INSR: variants seen among roughly 807,000 people sequenced by gnomAD.
The protein encoded by INSR is IR.
Under a neutral mutation model 142.6 loss-of-function variants are expected in INSR, and 67 were observed. The observed-to-expected ratio is 0.47, with a 90% CI of 0.39 to 0.58. The LOEUF is 0.58. Among genes scored for constraint, INSR ranks in the 20% least tolerant of loss-of-function variants. The pLI is 0.00. For synonymous variants in INSR, 756 were observed against 743.1 expected, an observed-to-expected ratio of 1.02 and a Z score of -0.28; for missense variants, 1,248 against 1,833.2, an observed-to-expected ratio of 0.68 and a Z score of 5.83.
intron 9 of INSR, among the ~76,000 whole-genome samples, chr19:7,155,966 G>A (rs1973580423): frequency 6.6e-6 from 1 of 150,614 alleles, no homozygotes; most frequent in Admixed American, 6.7e-5. Context: ...AAGGAGCCAG[G>A]TCACAGCTGC....
At chr19:7,213,341 C>CAAAAAAAAAAAAA (rs11343255) in intron 2 of INSR, among the ~76,000 whole-genome samples, 1 of 100,626 alleles carries the variant, frequency 9.9e-6, no homozygotes, top group Non-Finnish European at 2.0e-5. Context: ...GACTCCATCT[C>CAAAAAAAAAAAAA]AAAAAAAAAA....
intron 2 of INSR, among the ~76,000 whole-genome samples, chr19:7,222,148 T>A (rs369457160): frequency 2.7e-3 from 175 of 64,272 alleles, no homozygotes; most frequent in African/African-American, 0.01. Flanking sequence ...AAAAAAAAAA[T>A]CAGGAGTGAC....
At chr19:7,180,883 G>GCAAT (rs1431336652) in intron 3 of INSR, among the ~76,000 whole-genome samples, 2 of 152,122 alleles carry the variant, frequency 1.3e-5, no homozygotes, top group Admixed American at 6.6e-5. Context: ...TCTGTCCATT[G>GCAAT]GTCTTGGGAA....
chr19:7,134,527 G>A (rs1972860557), intron 13 of INSR, among the ~76,000 whole-genome samples: 1 of 151,780 alleles, frequency 6.6e-6, no homozygotes, highest in African/African-American at 2.4e-5. Context: ...AGCACTTTCA[G>A]GGGCCAAGGC....
At chr19:7,275,240 G>T (rs1968031057) in intron 1 of INSR, among the ~76,000 whole-genome samples, 1 of 151,852 alleles carries the variant, frequency 6.6e-6, no homozygotes. Context: ...CTCCCAAAGT[G>T]CTGGGATTAC....
intron 9 of INSR, 110 bp from the exon 10 acceptor site, chr19:7,153,037 C>CACATACAG: frequency 8.2e-6 from 3 of 366,676 alleles, no homozygotes; most frequent in Non-Finnish European, 1.3e-5. Flanking sequence ...CACACACACA[C>CACATACAG]ACACCACACA....
intron 2 of INSR, among the ~76,000 whole-genome samples, chr19:7,256,864 T>C (rs1202010199): frequency 6.7e-6 from 1 of 149,186 alleles, no homozygotes; most frequent in Non-Finnish European, 1.5e-5. Flanking sequence ...TTTGACAACA[T>C]AAAAGGGAAG....
intron 9 of INSR, among the ~76,000 whole-genome samples, chr19:7,161,238 CT>C (rs201486860): frequency 0.037 from 5,279 of 143,180 alleles, 439 homozygotes; most frequent in East Asian, 0.32. Flanking sequence ...CACTTAATGC[CT>C]TTTTTTTTTA....
At chr19:7,220,479 G>A (rs777608022) in intron 2 of INSR, among the ~76,000 whole-genome samples, 66 of 152,104 alleles carry the variant, frequency 4.3e-4, no homozygotes, top group Non-Finnish European at 9.0e-4. Flanking sequence ...AGTAGAGACG[G>A]GGTTTCGCCA....
chr19:7,280,229 A>C (rs1401048791), intron 1 of INSR, among the ~76,000 whole-genome samples: 1 of 151,824 alleles, frequency 6.6e-6, no homozygotes, highest in African/African-American at 2.4e-5. Context: ...GCGCCACTGC[A>C]CTCCAGCCTG....
chr19:7,214,354 G>A (rs1417591936), intron 2 of INSR, among the ~76,000 whole-genome samples: 1 of 152,194 alleles, frequency 6.6e-6, no homozygotes, highest in Non-Finnish European at 1.5e-5. Flanking sequence ...CATGATGGAA[G>A]GCAAGAGAAA....
Position 7,235,395 on chromosome 19 carries a change from CA to C in INSR, c.652+31949del, listed in dbSNP as rs757101963. Reference sequence around the variant, plus strand: ...AAAATTATCGCTCTCAACTCTCTCACAGGAAAGAAAATTTCCAGGACTCTAG... The same window carrying C: ...AAAATTATCGCTCTCAACTCTCTCACGGAAAGAAAATTTCCAGGACTCTAG... On this transcript the variant is annotated intron_variant, in intron 2 of 21. Transcript: ENST00000302850. Among the ~76,000 whole-genome samples the C allele has an allele frequency of 2.6e-4, 39 of 152,246 alleles. No individual in the cohort carries two copies. The Middle Eastern group carries it at 0.014, about 53-fold the overall frequency.
At chr19:7,255,505 C>CTTTTTTTTTTTTTTTTTTTTTTTTTTTTT (rs55764352) in intron 2 of INSR, among the ~76,000 whole-genome samples, 1 of 135,114 alleles carries the variant, frequency 7.4e-6, no homozygotes. Flanking sequence ...CCTGTCTTTT[C>CTTTTTTTTTTTTTTTTTTTTTTTTTTTTT]TTTTTTTTTT....
At chr19:7,241,613 C>T (rs899683114) in intron 2 of INSR, among the ~76,000 whole-genome samples, 4 of 152,052 alleles carry the variant, frequency 2.6e-5, no homozygotes, top group African/African-American at 9.7e-5. Context: ...CAGAGCGAGA[C>T]TGTCTCAAAA....
Position 7,137,954 on chromosome 19 carries a change from TTTTTTCTTTTTC to T in INSR, c.2682+3711_2682+3722del, listed in dbSNP as rs760386703. ...GATACAGGGGGATTCCTTTTTCTTC[TTTTTTCTTTTTC>T]TTTTTTTTTTTTTTTGAGATGGAGT... On this transcript the variant is annotated intron_variant, in intron 13 of 21. Coordinates refer to ENST00000302850, the MANE Select transcript of INSR (RefSeq NM_000208.4). 5.8e-3 allele frequency among the ~76,000 whole-genome samples: 862 copies of T among 147,464 alleles called. 7 individuals are homozygous for T. Among genetic ancestry groups the T allele is most frequent in the East Asian group, 0.039 (200 of 5,114 alleles).
intron 2 of INSR, among the ~76,000 whole-genome samples, chr19:7,202,122 A>G (rs1265237019): frequency 6.6e-6 from 1 of 152,196 alleles, no homozygotes; most frequent in Non-Finnish European, 1.5e-5. Flanking sequence ...GTCACTAACC[A>G]TACATGGCCC....
chr19:7,196,812 C>A (rs957108780), intron 2 of INSR, among the ~76,000 whole-genome samples: 1 of 152,224 alleles, frequency 6.6e-6, no homozygotes, highest in African/African-American at 2.4e-5. Flanking sequence ...ATTTATGATT[C>A]CAAAAATTAC....
intron 4 of INSR, 129 bp from the exon 5 acceptor site, chr19:7,172,563 C>T: frequency 1.0e-6 from 1 of 996,632 alleles, no homozygotes; most frequent in Non-Finnish European, 1.6e-6. Context: ...ACTCATCATG[C>T]TTAGAACACA....
At chr19:7,255,949 C>T (rs112503574) in intron 2 of INSR, among the ~76,000 whole-genome samples, 45 of 152,134 alleles carry the variant, frequency 3.0e-4, no homozygotes, top group African/African-American at 1.1e-3. Flanking sequence ...CTGGAACAAT[C>T]TCTCCTCTTT....
Sources: gnomAD v4.1 joint callset for allele counts (sites outside exome capture counted in the v4.1 genomes callset) on GRCh38, gnomAD v4.1.1 for gene constraint, MANE v1.5 for transcripts, NCBI Gene and HGNC (gene_info 2026-07-23, HGNC 2026-07-21) for gene names.